Variants in LRFN5 observed in about 807,000 individuals in gnomAD.
LRFN5 encodes leucine-rich repeat and fibronectin type-III domain-containing protein 5.
In LRFN5, 24 loss-of-function variants were observed where a neutral mutation model predicts 45.6. The observed-to-expected ratio is 0.53, with a 90% CI of 0.38 to 0.74. The LOEUF (loss-of-function observed/expected upper bound fraction) is 0.74, where lower values mean the gene tolerates loss of function less well. Ranked by LOEUF, LRFN5 falls within the 30% of genes least tolerant of loss-of-function variation. The pLI is 0.00. For synonymous variants in LRFN5, 340 were observed against 313.8 expected, an observed-to-expected ratio of 1.08 and a Z score of -0.88; for missense variants, 776 against 861.5, an observed-to-expected ratio of 0.90 and a Z score of 1.24.
chr14:41,680,327 G>A (rs1040604687), intron 1 of LRFN5, among the ~76,000 whole-genome samples: 2 of 152,124 alleles, frequency 1.3e-5, no homozygotes, highest in African/African-American at 4.8e-5. Context: ...GTGTTGTTAT[G>A]GCTTCAGGTC....
chr14:41,851,698 G>A (rs762040767), intron 2 of LRFN5, among the ~76,000 whole-genome samples: 1 of 151,752 alleles, frequency 6.6e-6, no homozygotes, highest in Non-Finnish European at 1.5e-5. Context: ...TCATAAACAG[G>A]TTGGGTGGCT....
At chr14:41,612,903 A>G (rs1887804048) in intron 1 of LRFN5, among the ~76,000 whole-genome samples, 2 of 152,126 alleles carry the variant, frequency 1.3e-5, no homozygotes, top group South Asian at 4.1e-4. Context: ...AACCAATGCT[A>G]CTTTTAAGCT....
At chr14:41,791,020 T>A (rs1210265816) in intron 2 of LRFN5, among the ~76,000 whole-genome samples, 2 of 151,882 alleles carry the variant, frequency 1.3e-5, no homozygotes, top group Non-Finnish European at 2.9e-5. Context: ...ATTTACCTAT[T>A]TGTCCTCATG....
chr14:41,737,849 G>A (rs1272344881), intron 1 of LRFN5, among the ~76,000 whole-genome samples: 2 of 151,560 alleles, frequency 1.3e-5, no homozygotes, highest in Non-Finnish European at 2.9e-5. Context: ...AATAAGAGAG[G>A]GCACAAACAA....
At chr14:41,754,878 T>C (rs1415457977) in intron 1 of LRFN5, among the ~76,000 whole-genome samples, 2 of 152,196 alleles carry the variant, frequency 1.3e-5, no homozygotes, top group African/African-American at 4.8e-5. Context: ...TTTAGATCTT[T>C]CCTGCTTTCT....
At chr14:41,866,886 G>C (rs1288100956) in intron 2 of LRFN5, among the ~76,000 whole-genome samples, 1 of 152,050 alleles carries the variant, frequency 6.6e-6, no homozygotes, top group African/African-American at 2.4e-5. Context: ...TTTGATTAGT[G>C]AATCCAGAAT....
At chr14:41,739,663 A>G (rs1884604410) in intron 1 of LRFN5, among the ~76,000 whole-genome samples, 1 of 152,014 alleles carries the variant, frequency 6.6e-6, no homozygotes, top group Admixed American at 6.6e-5. Context: ...ACTAGAAAAA[A>G]AAAAACAAAC....
At chr14:41,695,471 G>A (rs1045299619) in intron 1 of LRFN5, among the ~76,000 whole-genome samples, 1 of 151,880 alleles carries the variant, frequency 6.6e-6, no homozygotes, top group Non-Finnish European at 1.5e-5. Flanking sequence ...CTAAAGAGGA[G>A]AAGTCAATGC....
At chr14:41,707,818 C>T (rs1883128356) in intron 1 of LRFN5, among the ~76,000 whole-genome samples, 1 of 151,938 alleles carries the variant, frequency 6.6e-6, no homozygotes. Flanking sequence ...ATTGGTAGAG[C>T]TCAATGGTTA....
At chr14:41,787,098 A>G (rs1219797804) in intron 2 of LRFN5, among the ~76,000 whole-genome samples, 1 of 151,652 alleles carries the variant, frequency 6.6e-6, no homozygotes, top group African/African-American at 2.4e-5. Flanking sequence ...TAATTCTGTT[A>G]TCTCTTTTCT....
chr14:41,681,499 C>T lies in LRFN5; in HGVS notation c.-197+72937C>T, dbSNP rs544986708. On this transcript the variant is annotated intron_variant, in intron 1 of 5. Transcript: ENST00000298119. ...AGTGCTGAAGGAAAACAAAACCAAA[C>T]GGAACAAAAAATCATTTTATCCTAT... Among the ~76,000 whole-genome samples the T allele has an allele frequency of 1.1e-3, 162 of 152,016 alleles. 1 individual carries two copies. Among genetic ancestry groups the T allele is most frequent in the African/African-American group, 3.2e-3 (134 of 41,472 alleles).
At chr14:41,884,734 C>T (rs1033061454) in intron 2 of LRFN5, among the ~76,000 whole-genome samples, 2 of 152,220 alleles carry the variant, frequency 1.3e-5, no homozygotes, top group Non-Finnish European at 2.9e-5. Context: ...CCTGTACAGC[C>T]CATGTTCCAT....
intron 1 of LRFN5, among the ~76,000 whole-genome samples, chr14:41,750,275 A>G (rs1408293678): frequency 7.8e-4 from 7 of 9,022 alleles, no homozygotes; most frequent in Middle Eastern, 0.05. Flanking sequence ...TCTTATATAT[A>G]TATATATATA....
intron 2 of LRFN5, among the ~76,000 whole-genome samples, chr14:41,866,933 A>G (rs1372019771): frequency 2.0e-5 from 3 of 152,134 alleles, no homozygotes; most frequent in African/African-American, 7.2e-5. Context: ...ATAATATTGG[A>G]TCATATTATT....
At chr14:41,848,935 C>T (rs1889165344) in intron 2 of LRFN5, among the ~76,000 whole-genome samples, 1 of 151,774 alleles carries the variant, frequency 6.6e-6, no homozygotes, top group Non-Finnish European at 1.5e-5. Flanking sequence ...GAGATTTTTT[C>T]AGAGTTAAAG....
intron 1 of LRFN5, among the ~76,000 whole-genome samples, chr14:41,656,078 A>G (rs755329724): frequency 1.3e-5 from 2 of 151,970 alleles, no homozygotes; most frequent in African/African-American, 2.4e-5. Context: ...AGCTAAATAA[A>G]CTTGAGTAAT....
intron 2 of LRFN5, among the ~76,000 whole-genome samples, chr14:41,864,991 TA>T (rs1889789757): frequency 6.6e-6 from 1 of 152,108 alleles, no homozygotes; most frequent in Admixed American, 6.6e-5. Flanking sequence ...CACATCACAT[TA>T]AAAATAGCTT....
intron 1 of LRFN5, among the ~76,000 whole-genome samples, chr14:41,618,580 C>T (rs1204850198): frequency 6.6e-6 from 1 of 152,106 alleles, no homozygotes; most frequent in Non-Finnish European, 1.5e-5. Context: ...AGAAGATTGA[C>T]CCCAGGTGAG....
intron 2 of LRFN5, among the ~76,000 whole-genome samples, chr14:41,833,586 A>G (rs1888558336): frequency 6.6e-6 from 1 of 152,174 alleles, no homozygotes; most frequent in South Asian, 2.1e-4. Context: ...TTGTCTTTCA[A>G]TGTCACTTTT....
Sources: allele counts gnomAD v4.1 joint callset (sites outside exome capture counted in the v4.1 genomes callset), GRCh38; gene constraint gnomAD v4.1.1; transcripts MANE v1.5; gene names NCBI Gene and HGNC (gene_info 2026-07-23, HGNC 2026-07-21).